Variants in RNGTT observed in about 807,000 individuals in gnomAD.
The protein encoded by RNGTT is RNA guanylyltransferase and 5'-phosphatase.
RNGTT carries 33 observed loss-of-function variants against 79.3 expected under a neutral mutation model. The observed-to-expected ratio is 0.42, with a 90% CI of 0.32 to 0.56. The LOEUF is 0.56. Among genes scored for constraint, RNGTT ranks in the 20% least tolerant of loss-of-function variants. The pLI is 0.17. For missense variants in RNGTT, 497 were observed against 739.1 expected, an observed-to-expected ratio of 0.67 and a Z score of 3.80; for synonymous variants, 222 against 235.9, an observed-to-expected ratio of 0.94 and a Z score of 0.54.
At chr6:88,693,183 A>G (rs897583374) in intron 13 of RNGTT, among the ~76,000 whole-genome samples, 1 of 152,058 alleles carries the variant, frequency 6.6e-6, no homozygotes, top group Non-Finnish European at 1.5e-5. Flanking sequence ...AATCAATGAA[A>G]CTAAGAATTG....
intron 10 of RNGTT, among the ~76,000 whole-genome samples, chr6:88,846,117 G>A (rs1781474653): frequency 6.6e-6 from 1 of 152,024 alleles, no homozygotes. Context: ...CTGAAAGCAA[G>A]TTCACCTTCA....
intron 14 of RNGTT, among the ~76,000 whole-genome samples, chr6:88,657,820 A>G (rs2127780585): frequency 6.6e-6 from 1 of 152,306 alleles, no homozygotes; most frequent in African/African-American, 2.4e-5. Context: ...TGTATGATGC[A>G]GCAGAGGCAG....
intron 2 of RNGTT, among the ~76,000 whole-genome samples, chr6:88,934,706 A>G (rs1281058563): frequency 6.6e-6 from 1 of 152,032 alleles, no homozygotes; most frequent in African/African-American, 2.4e-5. Context: ...AGTGGTGTGA[A>G]TATGAATCAC....
chr6:88,713,149 T>C (rs1186416224), intron 13 of RNGTT, among the ~76,000 whole-genome samples: 1 of 152,164 alleles, frequency 6.6e-6, no homozygotes, highest in Non-Finnish European at 1.5e-5. Context: ...GCCTTTGTGA[T>C]GCAATTAAGT....
intron 13 of RNGTT, among the ~76,000 whole-genome samples, chr6:88,739,864 C>T (rs1777425256): frequency 6.7e-6 from 1 of 149,506 alleles, no homozygotes; most frequent in Admixed American, 6.7e-5. Flanking sequence ...CTATATGAAG[C>T]TCCCATGAGG....
chr6:88,779,078 T>A (rs1440038347), intron 12 of RNGTT, among the ~76,000 whole-genome samples: 1 of 149,444 alleles, frequency 6.7e-6, no homozygotes, highest in East Asian at 1.9e-4. Context: ...ATTTTCCTAG[T>A]AAAGCTTATT....
chr6:88,757,516 A>T (rs1265010251), intron 13 of RNGTT, among the ~76,000 whole-genome samples: 2 of 152,176 alleles, frequency 1.3e-5, no homozygotes, highest in African/African-American at 4.8e-5. Flanking sequence ...AGAGTAAAGG[A>T]ATTTACTAAT....
chr6:88,808,823 G>A (rs536183319), intron 11 of RNGTT, among the ~76,000 whole-genome samples: 8 of 152,168 alleles, frequency 5.3e-5, no homozygotes, highest in East Asian at 3.9e-4. Context: ...AGGCCATGGC[G>A]GCATGCACCT....
rs547864965 is a variant in RNGTT at position 88,788,106 on chromosome 6, G to T, written c.1338+13458C>A. Among the ~76,000 whole-genome samples, 11 of 152,288 alleles carry T rather than the reference G, an allele frequency of 7.2e-5. No individual in the cohort carries two copies. The South Asian group carries it at 2.1e-3, about 29-fold the overall frequency. On this transcript the variant is annotated intron_variant, in intron 12 of 15. Transcript: ENST00000369485. Reference sequence around the variant, plus strand: ...GAACTGTCTGTATTGTGTTTCTGATGTTTTTGAGAAATTCAAAAGGCAGTA... The same window carrying T: ...GAACTGTCTGTATTGTGTTTCTGATTTTTTTGAGAAATTCAAAAGGCAGTA...
intron 13 of RNGTT, among the ~76,000 whole-genome samples, chr6:88,705,905 C>T (rs1434532421): frequency 2.6e-5 from 4 of 151,962 alleles, no homozygotes; most frequent in African/African-American, 9.7e-5. Flanking sequence ...GTAAAAGAGC[C>T]TCTCTAAGAC....
chr6:88,762,058 C>T (rs571439006), intron 13 of RNGTT, among the ~76,000 whole-genome samples: 4 of 152,048 alleles, frequency 2.6e-5, no homozygotes, highest in South Asian at 2.1e-4. Flanking sequence ...TAAACAGACA[C>T]GAATTGCCAG....
In RNGTT at chr6:88,698,271, T is replaced by A. The variant is rs1209357101; in HGVS notation, c.1440-19852A>T. Among the ~76,000 whole-genome samples, 36 of 93,876 alleles carry A rather than the reference T, an allele frequency of 3.8e-4. 1 individual carries two copies. Among genetic ancestry groups the A allele is most frequent in the Non-Finnish European group, 5.6e-4 (30 of 53,484 alleles). 61.6% of individuals were successfully genotyped at this position (93,876 alleles called of 152,430 possible). On this transcript the variant is annotated intron_variant, in intron 13 of 15. Transcript: ENST00000369485. ...GAAATATATATATAAATATATATGA[T>A]ATATATATTTCATATATATCATATA...
intron 14 of RNGTT, among the ~76,000 whole-genome samples, chr6:88,652,725 G>C (rs1451643288): frequency 1.3e-5 from 2 of 152,138 alleles, no homozygotes; most frequent in South Asian, 2.1e-4. Context: ...TTCACAATGT[G>C]CATGTTGTAA....
chr6:88,952,513 G>T (rs1475397624), intron 1 of RNGTT, among the ~76,000 whole-genome samples: 2 of 152,190 alleles, frequency 1.3e-5, no homozygotes, highest in African/African-American at 4.8e-5. Context: ...ACTAACTCAG[G>T]CCATTACAGC....
intron 1 of RNGTT, among the ~76,000 whole-genome samples, chr6:88,948,357 T>G (rs1365794947): frequency 1.9e-5 from 1 of 51,474 alleles, no homozygotes; most frequent in African/African-American, 1.1e-4. Flanking sequence ...GGGAGGGAGG[T>G]GGGGGGGGGT....
In RNGTT at chr6:88,622,115, C is replaced by T. The variant is rs922188591; in HGVS notation, c.1507-7720G>A. ...CTATTTTATGGAATACAGTGTTGCC[C>T]GATTCTAGAATTGCAAATTAAAGAC... On this transcript the variant is annotated intron_variant, in intron 14 of 15. Transcript: ENST00000369485. 3.3e-5 allele frequency among the ~76,000 whole-genome samples: 5 copies of T among 152,008 alleles called. No homozygotes were observed. The South Asian group carries it at 6.2e-4, about 19-fold the overall frequency.
At chr6:88,745,625 T>C in intron 13 of RNGTT, among the ~76,000 whole-genome samples, 1 of 152,214 alleles carries the variant, frequency 6.6e-6, no homozygotes, top group Non-Finnish European at 1.5e-5. Flanking sequence ...ACTCACATAT[T>C]TCTATAGAAG....
chr6:88,928,064 T>G (rs1784378729), intron 4 of RNGTT, among the ~76,000 whole-genome samples: 2 of 151,362 alleles, frequency 1.3e-5, no homozygotes, highest in Non-Finnish European at 2.9e-5. Flanking sequence ...TAAAAATAAA[T>G]AGCTGGGGGT....
chr6:88,882,037 C>T (rs1782708987), intron 8 of RNGTT, among the ~76,000 whole-genome samples: 1 of 152,130 alleles, frequency 6.6e-6, no homozygotes, highest in Non-Finnish European at 1.5e-5. Flanking sequence ...GTCACCATTG[C>T]TTCCTCTACT....
Sources: gnomAD v4.1 joint callset for allele counts (sites outside exome capture counted in the v4.1 genomes callset) on GRCh38, gnomAD v4.1.1 for gene constraint, MANE v1.5 for transcripts, NCBI Gene and HGNC (gene_info 2026-07-23, HGNC 2026-07-21) for gene names.